Variants in CLDN14 observed in about 807,000 individuals in gnomAD.
CLDN14 encodes the protein claudin 14.
A neutral mutation model predicts 2.1 loss-of-function variants in CLDN14; 2 were observed. The ratio of observed to expected loss-of-function variants is 0.96; its 90% confidence interval spans 0.39 to 3.01. The LOEUF is 3.01. Among genes scored for constraint, CLDN14 ranks in the 30% most tolerant of loss-of-function variants. The pLI, the probability that CLDN14 is intolerant of heterozygous loss-of-function variation, is 0.09. For missense variants in CLDN14, 298 were observed against 328.0 expected (o/e 0.91, Z 0.71); for synonymous variants, 136 against 154.4 (o/e 0.88, Z 0.88).
chr21:36,551,823 C>T lies in CLDN14; in HGVS notation c.-220+24588G>A, dbSNP rs189859026. Among the ~76,000 whole-genome samples the T allele has an allele frequency of 6.6e-6, 1 of 152,328 alleles. No individual in the cohort carries two copies. The highest frequency in any genetic ancestry group is 2.4e-5 in the African/African-American group (1 of 41,574). On this transcript the variant is annotated intron_variant, in intron 1 of 2. Transcript: ENST00000342108. The surrounding 1 kb of genome is among the most constrained non-coding windows in gnomAD (Gnocchi z 4.8). ...CAATGAAGCAGACAGCAACTCATTGCAACTGCTCCTGTCCTGTCGGTCGAG... is the reference window on the plus strand; with the variant it reads ...CAATGAAGCAGACAGCAACTCATTGTAACTGCTCCTGTCCTGTCGGTCGAG...
At chr21:36,561,389 C>T (rs555703662) in intron 1 of CLDN14, among the ~76,000 whole-genome samples, 25 of 152,332 alleles carry the variant, frequency 1.6e-4, no homozygotes, top group Non-Finnish European at 2.4e-4. Context: ...AACGGGCTAC[C>T]TCTCTTGACT....
At chr21:36,503,386 C>T (rs2087105484) in intron 2 of CLDN14, among the ~76,000 whole-genome samples, 1 of 152,202 alleles carries the variant, frequency 6.6e-6, no homozygotes. Flanking sequence ...ATCCAAATCT[C>T]ATCTTGAATT....
intron 1 of CLDN14, among the ~76,000 whole-genome samples, chr21:36,522,429 G>A (rs2087277965): frequency 6.6e-6 from 1 of 152,198 alleles, no homozygotes; most frequent in Admixed American, 6.5e-5. Flanking sequence ...GATGCGCTGG[G>A]GGTTTGCACA....
intron 1 of CLDN14, among the ~76,000 whole-genome samples, chr21:36,573,083 C>T (rs573277664): frequency 1.3e-5 from 2 of 152,096 alleles, no homozygotes; most frequent in South Asian, 2.1e-4. Flanking sequence ...AGGTGGATCA[C>T]GAGGTCAGGA....
At chr21:36,574,040 G>T (rs1202663415) in intron 1 of CLDN14, among the ~76,000 whole-genome samples, 2 of 152,176 alleles carry the variant, frequency 1.3e-5, no homozygotes, top group South Asian at 2.1e-4. Context: ...TTCTTTTAAA[G>T]AAATAAATGA....
chr21:36,534,999 A>T (rs1388756888), intron 1 of CLDN14, among the ~76,000 whole-genome samples: 1 of 152,210 alleles, frequency 6.6e-6, no homozygotes, highest in Non-Finnish European at 1.5e-5. Context: ...ATGATAATGG[A>T]TGAAAAGGAG....
At chr21:36,521,923 T>C (rs1324024836) in intron 1 of CLDN14, among the ~76,000 whole-genome samples, 2 of 152,220 alleles carry the variant, frequency 1.3e-5, no homozygotes, top group Non-Finnish European at 2.9e-5. Context: ...TCTAGTGTTT[T>C]ATACAAGAAG....
At chr21:36,562,799 T>C (rs1466942891) in intron 1 of CLDN14, among the ~76,000 whole-genome samples, 1 of 151,970 alleles carries the variant, frequency 6.6e-6, no homozygotes, top group African/African-American at 2.4e-5. Context: ...CTCAGCACAG[T>C]CAAGCGGTGT....
At chr21:36,485,853 CTT>C (rs371184847) in intron 2 of CLDN14, 9,791 of 408,774 alleles carry the variant, frequency 0.024, 1 homozygote, top group South Asian at 0.034. Flanking sequence ...GTTCCATTTC[CTT>C]TTTTTTTTTT....
At chr21:36,547,580 C>T (rs553601052) in intron 1 of CLDN14, among the ~76,000 whole-genome samples, 1 of 152,280 alleles carries the variant, frequency 6.6e-6, no homozygotes, top group East Asian at 1.9e-4. Context: ...CTGCTCCCGG[C>T]ATGATGGATC....
chr21:36,490,981 CACACACA>C (rs2086958751), intron 2 of CLDN14, among the ~76,000 whole-genome samples: 1 of 150,376 alleles, frequency 6.6e-6, no homozygotes, highest in South Asian at 2.2e-4. Context: ...CACACACACA[CACACACA>C]CCCCTGGACA....
intron 1 of CLDN14, among the ~76,000 whole-genome samples, chr21:36,567,787 T>A (rs887840340): frequency 1.3e-5 from 2 of 152,154 alleles, no homozygotes; most frequent in African/African-American, 4.8e-5. Flanking sequence ...ATTTAGTTTA[T>A]GGAAGGGGGA....
intron 2 of CLDN14, among the ~76,000 whole-genome samples, chr21:36,506,806 T>C (rs767210531): frequency 6.6e-6 from 1 of 151,948 alleles, no homozygotes; most frequent in Non-Finnish European, 1.5e-5. Flanking sequence ...GGGAGCAAGG[T>C]ATCTATTGCA....
chr21:36,542,755 C>G (rs1207752022), intron 1 of CLDN14: 1 of 152,208 alleles, frequency 6.6e-6, no homozygotes, highest in Non-Finnish European at 1.5e-5. Context: ...GCGCAGGTGA[C>G]CACGCAGAGA....
chr21:36,482,328 AGATG>A (rs76291106), upstream of CLDN14, among the ~76,000 whole-genome samples: 160 of 144,144 alleles, frequency 1.1e-3, no homozygotes, highest in Middle Eastern at 3.5e-3. Flanking sequence ...ATGTTTCAAT[AGATG>A]GATGGATGGA....
chr21:36,552,411 C>T (rs544998675), intron 1 of CLDN14, among the ~76,000 whole-genome samples: 5 of 152,242 alleles, frequency 3.3e-5, no homozygotes, highest in African/African-American at 2.4e-5. Flanking sequence ...CCATGTTGAG[C>T]GGGCACACTT....
At chr21:36,485,507 C>A (rs1021213902) in intron 2 of CLDN14, among the ~76,000 whole-genome samples, 15 of 152,190 alleles carry the variant, frequency 9.9e-5, no homozygotes, top group African/African-American at 3.6e-4. Context: ...CTGTGCCTGG[C>A]CAAGGCTCTG....
At chr21:36,571,302 G>T (rs2146529773) in intron 1 of CLDN14, among the ~76,000 whole-genome samples, 1 of 152,356 alleles carries the variant, frequency 6.6e-6, no homozygotes, top group East Asian at 1.9e-4. Context: ...ACACCCTGCT[G>T]CAGTGCATTA....
chr21:36,466,350 A>G (rs2086646141), intron 1 of CLDN14: 1 of 152,304 alleles, frequency 6.6e-6, no homozygotes, highest in Non-Finnish European at 1.5e-5. Context: ...TAAAGGAAAG[A>G]GGTTTAATTG....
Sources: allele counts gnomAD v4.1 joint callset (sites outside exome capture counted in the v4.1 genomes callset), GRCh38; gene constraint gnomAD v4.1.1; non-coding constraint Gnocchi (gnomAD v3.1); transcripts MANE v1.5; gene names NCBI Gene and HGNC (gene_info 2026-07-23, HGNC 2026-07-21).